USP13: variants seen among roughly 807,000 people sequenced by gnomAD.
The protein encoded by USP13 is ubiquitin specific peptidase 13.
In USP13, 68 loss-of-function variants were observed where a neutral mutation model predicts 107.8. That is an observed-to-expected ratio of 0.63 (90% CI 0.52 to 0.77). The LOEUF is 0.77. Ranked by LOEUF, USP13 falls within the 30% of genes least tolerant of loss-of-function variation. The pLI is 0.00. For synonymous variants in USP13, 377 were observed against 389.5 expected, an observed-to-expected ratio of 0.97 and a Z score of 0.38; for missense variants, 945 against 1,093.3, an observed-to-expected ratio of 0.86 and a Z score of 1.91.
At chr3:179,655,669 C>T (rs1170606533) in intron 1 of USP13, among the ~76,000 whole-genome samples, 3 of 151,824 alleles carry the variant, frequency 2.0e-5, no homozygotes, top group Admixed American at 1.3e-4. Flanking sequence ...ATTCTCCTGC[C>T]TCAGCCTGCC....
intron 12 of USP13, among the ~76,000 whole-genome samples, chr3:179,743,221 G>A (rs147807796): frequency 0.01 from 1,571 of 152,238 alleles, 13 homozygotes; most frequent in Non-Finnish European, 0.017. Context: ...ATGGACACAG[G>A]GAGGGGAACA....
intron 1 of USP13, among the ~76,000 whole-genome samples, chr3:179,665,006 T>TA (rs1009696974): frequency 2.4e-4 from 37 of 152,138 alleles, no homozygotes; most frequent in African/African-American, 8.9e-4. Flanking sequence ...GAGAATCGCT[T>TA]AAACCCAGGA....
chr3:179,762,875 A>G (rs1363021054), intron 17 of USP13, among the ~76,000 whole-genome samples: 1 of 152,140 alleles, frequency 6.6e-6, no homozygotes, highest in South Asian at 2.1e-4. Context: ...GTGAGTTCCA[A>G]TTTCTCCATA....
intron 15 of USP13, 91 bp from the exon 16 acceptor site, chr3:179,756,961 T>C: frequency 1.4e-6 from 2 of 1,426,342 alleles, no homozygotes; most frequent in South Asian, 1.2e-5. Context: ...GGGGAGGGCA[T>C]TGGAAATGCC....
intron 17 of USP13, among the ~76,000 whole-genome samples, chr3:179,763,540 T>C (rs894352092): frequency 2.0e-5 from 3 of 152,204 alleles, no homozygotes; most frequent in Non-Finnish European, 4.4e-5. Flanking sequence ...ATTTCTGGAA[T>C]CTCAATTCTA....
chr3:179,767,345 G>A (rs1216397584), intron 19 of USP13, among the ~76,000 whole-genome samples: 1 of 152,022 alleles, frequency 6.6e-6, no homozygotes. Context: ...GCTAGTGATG[G>A]ATAGAACCAC....
At position 179,742,955 on chromosome 3, in the gene USP13, T is replaced by C. The variant is rs76889050; in HGVS notation, c.1534+605T>C. ...CTAAGCTGGTTCTTCCTAGGCAGAA[T>C]AGACAAATGGCATTTCTTCGAATTA... On this transcript the variant is annotated intron_variant, in intron 12 of 20. Coordinates refer to ENST00000263966, the MANE Select transcript of USP13 (RefSeq NM_003940.3). This position sits in a 1 kb window ranked among gnomAD's most constrained non-coding sequence, Gnocchi z 5.0. 0.043 allele frequency among the ~76,000 whole-genome samples: 6,486 copies of C among 152,272 alleles called. 181 individuals are homozygous for C. The highest frequency in any genetic ancestry group is 0.063 in the Non-Finnish European group (4,307 of 67,998).
At chr3:179,688,297 T>A (rs1711967996) in intron 2 of USP13, among the ~76,000 whole-genome samples, 1 of 152,194 alleles carries the variant, frequency 6.6e-6, no homozygotes, top group South Asian at 2.1e-4. Context: ...TTACCAGCCC[T>A]GCCCACACCC....
chr3:179,767,352 C>T (rs77294130), intron 19 of USP13, among the ~76,000 whole-genome samples: 3,380 of 152,092 alleles, frequency 0.022, 50 homozygotes, highest in Middle Eastern at 0.061. Flanking sequence ...ATGGATAGAA[C>T]CACAATTCCA....
At chr3:179,758,327 G>C (rs1273358218) in intron 16 of USP13, among the ~76,000 whole-genome samples, 1 of 152,074 alleles carries the variant, frequency 6.6e-6, no homozygotes, top group Non-Finnish European at 1.5e-5. Flanking sequence ...ATGGGCATTT[G>C]GAATTAACTG....
chr3:179,756,702 G>A (rs909044846), intron 15 of USP13, among the ~76,000 whole-genome samples: 1 of 152,192 alleles, frequency 6.6e-6, no homozygotes, highest in Admixed American at 6.5e-5. Context: ...AGGCTGCAGT[G>A]AGCCATGATT....
At chr3:179,659,766 C>G (rs959056930) in intron 1 of USP13, among the ~76,000 whole-genome samples, 2 of 152,116 alleles carry the variant, frequency 1.3e-5, no homozygotes, top group South Asian at 2.1e-4. Context: ...TGGCTGGGCG[C>G]GGTGGCTCAC....
intron 3 of USP13, among the ~76,000 whole-genome samples, chr3:179,695,860 AC>A (rs1335935978): frequency 6.6e-6 from 1 of 152,052 alleles, no homozygotes; most frequent in East Asian, 1.9e-4. Flanking sequence ...GGAGCCATTA[AC>A]CCTTCGGCTC....
At chr3:179,745,256 G>T in intron 13 of USP13, 39 bp downstream of exon 13, 8 of 1,604,348 alleles carry the variant, frequency 5.0e-6, no homozygotes, top group Non-Finnish European at 6.8e-6. Flanking sequence ...GGGTGAGGAG[G>T]GGCCTTGAGG....
At chr3:179,672,354 G>T (rs915824507) in intron 1 of USP13, among the ~76,000 whole-genome samples, 2 of 151,882 alleles carry the variant, frequency 1.3e-5, no homozygotes, top group Non-Finnish European at 2.9e-5. Flanking sequence ...AATACATGGG[G>T]CTTCTAATGC....
Position 179,653,713 on chromosome 3 carries a change from G to C in USP13, c.168+320G>C, listed in dbSNP as rs142346781. 407 of 267,992 alleles carry C rather than the reference G, an allele frequency of 1.5e-3. No individual in the cohort carries two copies. The highest frequency in any genetic ancestry group is 8.7e-3 in the African/African-American group (386 of 44,620). The allele number at this position is 267,992 out of a possible 1,614,324, so 16.6% of individuals were successfully genotyped here. Reference sequence around the variant, plus strand: ...TCCCTGTTCCGAACTGCACGTTGCAGATCGTTTGCGTCCTCCGCGGGGCAG... The same window carrying C: ...TCCCTGTTCCGAACTGCACGTTGCACATCGTTTGCGTCCTCCGCGGGGCAG... On this transcript the variant is annotated intron_variant, in intron 1 of 20. Coordinates refer to ENST00000263966, the MANE Select transcript of USP13 (RefSeq NM_003940.3). The surrounding 1 kb of genome is among the most constrained non-coding windows in gnomAD (Gnocchi z 4.0).
intron 6 of USP13, among the ~76,000 whole-genome samples, chr3:179,715,367 C>CTTTTTT (rs71182513): frequency 2.2e-5 from 3 of 136,278 alleles, no homozygotes; most frequent in Non-Finnish European, 4.7e-5. Context: ...ATTTTTCTTT[C>CTTTTTT]TTTTTTTTTT....
At chr3:179,709,066 C>G in intron 6 of USP13, 109 bp downstream of exon 6, 1 of 1,317,576 alleles carries the variant, frequency 7.6e-7, no homozygotes, top group South Asian at 1.5e-5. Flanking sequence ...GCAGACAGCC[C>G]AGGTTTGAAT....
Position 179,740,303 on chromosome 3 carries a change from C to A in USP13, c.1311C>A (p.His437Gln), listed in dbSNP as rs768513952. ...TTAAGGCCTTTGTAAGCAAGAGCCA[C>A]CCGGAATTCTCCTCTAACAGGCAGC... ...RMFKAFVSKS[H>Q]PEFSSNRQQD... Residue 437 changes from histidine to glutamine, a missense_variant, in exon 11 of 21, where the codon CAC (histidine) becomes CAA (glutamine). Coordinates refer to ENST00000263966, the MANE Select transcript of USP13 (RefSeq NM_003940.3). 6.2e-7 allele frequency: 1 copy of A among 1,614,140 alleles called. No individual in the cohort carries two copies. The highest frequency in any genetic ancestry group is 1.3e-5 in the African/African-American group (1 of 75,038).
Sources: allele counts gnomAD v4.1 joint callset (sites outside exome capture counted in the v4.1 genomes callset), GRCh38; gene constraint gnomAD v4.1.1; non-coding constraint Gnocchi (gnomAD v3.1); transcripts MANE v1.5; gene names NCBI Gene and HGNC (gene_info 2026-07-23, HGNC 2026-07-21).